The following INPP4B variants were observed in gnomAD, a reference collection of about 807,000 sequenced individuals.
The protein encoded by INPP4B is inositol polyphosphate 4-phosphatase type II.
A neutral mutation model predicts 122.5 loss-of-function variants in INPP4B; 55 were observed. The ratio of observed to expected loss-of-function variants is 0.45; its 90% CI spans 0.36 to 0.56. The LOEUF is 0.56. Among genes scored for constraint, INPP4B ranks in the 20% least tolerant of loss-of-function variants. INPP4B has a pLI of 0.00. For missense variants in INPP4B, 1,000 were observed against 1,097.7 expected (o/e 0.91, Z 1.26); for synonymous variants, 403 against 388.7 (o/e 1.04, Z -0.43).
intron 2 of INPP4B, among the ~76,000 whole-genome samples, chr4:142,625,429 T>C (rs921501413): frequency 2.0e-4 from 30 of 152,108 alleles, no homozygotes; most frequent in Non-Finnish European, 7.4e-5. Context: ...TTGCAAGGGA[T>C]GTGAAGGACC....
At chr4:142,644,100 C>T (rs182268151) in intron 2 of INPP4B, among the ~76,000 whole-genome samples, 1 of 151,640 alleles carries the variant, frequency 6.6e-6, no homozygotes. Context: ...ACTTGGGAGA[C>T]AAGCAGGAAT....
chr4:142,611,822 C>G (rs1466862115), intron 2 of INPP4B, among the ~76,000 whole-genome samples: 1 of 151,686 alleles, frequency 6.6e-6, no homozygotes, highest in East Asian at 2.0e-4. Flanking sequence ...GTGCACGCCA[C>G]CATGCCTGGC....
chr4:142,483,349 A>T (rs1412674246), intron 2 of INPP4B, among the ~76,000 whole-genome samples: 1 of 152,010 alleles, frequency 6.6e-6, no homozygotes. Flanking sequence ...GAACATTCTC[A>T]AAAAAGTAAT....
intron 2 of INPP4B, among the ~76,000 whole-genome samples, chr4:142,544,260 T>C (rs1227810557): frequency 6.6e-6 from 1 of 151,946 alleles, no homozygotes; most frequent in Non-Finnish European, 1.5e-5. Context: ...ACTATTGTGT[T>C]AGAATCAATC....
At chr4:142,778,935 T>C (rs1025632088) in intron 1 of INPP4B, among the ~76,000 whole-genome samples, 1 of 152,118 alleles carries the variant, frequency 6.6e-6, no homozygotes, top group African/African-American at 2.4e-5. Context: ...AACCAGACAA[T>C]TGAGGGTCTA....
chr4:142,174,433 T>C lies in INPP4B; in HGVS notation c.1182-624A>G, dbSNP rs185649229. ...GGTGAGGGGTGTGGAGGAAGTAAAT[T>C]TTAATAGCTGAGAAATGAGGAGAAA... On this transcript the variant is annotated intron_variant, in intron 15 of 25. Transcript: ENST00000262992. Among the ~76,000 whole-genome samples the C allele has an allele frequency of 2.6e-3, 403 of 152,178 alleles. 2 individuals carry two copies. The highest frequency in any genetic ancestry group is 9.0e-3 in the African/African-American group (373 of 41,548).
intron 1 of INPP4B, among the ~76,000 whole-genome samples, chr4:142,834,863 G>A (rs1782595729): frequency 6.6e-6 from 1 of 152,150 alleles, no homozygotes; most frequent in Non-Finnish European, 1.5e-5. Context: ...CACTGCTAGG[G>A]CATTGTTCTT....
intron 15 of INPP4B, among the ~76,000 whole-genome samples, chr4:142,191,308 A>G (rs1305095550): frequency 6.6e-6 from 1 of 152,180 alleles, no homozygotes; most frequent in Non-Finnish European, 1.5e-5. Flanking sequence ...CCAACAAAAA[A>G]CAGCACCCAG....
intron 2 of INPP4B, among the ~76,000 whole-genome samples, chr4:142,615,148 G>T (rs1334896993): frequency 1.3e-5 from 2 of 152,080 alleles, no homozygotes; most frequent in African/African-American, 2.4e-5. Context: ...TATTTTAAAA[G>T]GTTAGTTCTG....
At position 142,458,835 on chromosome 4, in the gene INPP4B, T is replaced by C. The variant is rs558967346; in HGVS notation, c.-127+3828A>G. On this transcript the variant is annotated intron_variant, in intron 3 of 25. Transcript: ENST00000262992. ...TTCTGTGGAAGAGCAGTTCTCAGCA[T>C]TCTGTGTATATCCAAGTCATAAATC... Among the ~76,000 whole-genome samples, 11 of 152,286 alleles carry C rather than the reference T, an allele frequency of 7.2e-5. No homozygotes were observed. The South Asian group carries it at 2.3e-3, about 32-fold the overall frequency.
At chr4:142,736,710 C>G (rs545786335) in intron 1 of INPP4B, among the ~76,000 whole-genome samples, 1 of 152,040 alleles carries the variant, frequency 6.6e-6, no homozygotes, top group African/African-American at 2.4e-5. Context: ...TGAGACGATG[C>G]GGTTTTCTAG....
chr4:142,840,418 A>G (rs1783341220), intron 1 of INPP4B, among the ~76,000 whole-genome samples: 1 of 152,126 alleles, frequency 6.6e-6, no homozygotes, highest in Non-Finnish European at 1.5e-5. Context: ...ATGTTCATTT[A>G]ATTTTTTTTC....
intron 8 of INPP4B, 63 bp downstream of exon 8, chr4:142,314,649 A>G: frequency 6.7e-7 from 1 of 1,489,496 alleles, no homozygotes; most frequent in South Asian, 1.3e-5. Flanking sequence ...GAGGCCAGAG[A>G]AAATCCAAAT....
intron 24 of INPP4B, among the ~76,000 whole-genome samples, chr4:142,085,843 T>G (rs1464129929): frequency 6.6e-6 from 1 of 152,184 alleles, no homozygotes; most frequent in African/African-American, 2.4e-5. Context: ...ATACGGGCAA[T>G]TGACGTTGCA....
chr4:142,443,425 A>G (rs1812248607), intron 3 of INPP4B, among the ~76,000 whole-genome samples: 1 of 152,088 alleles, frequency 6.6e-6, no homozygotes, highest in African/African-American at 2.4e-5. Flanking sequence ...GACCCTGCTG[A>G]CCTTAGGTGA....
chr4:142,599,155 C>T (rs1271838530), intron 2 of INPP4B, among the ~76,000 whole-genome samples: 1 of 152,188 alleles, frequency 6.6e-6, no homozygotes, highest in Non-Finnish European at 1.5e-5. Context: ...ATCACCTACA[C>T]CACAATGGTT....
intron 25 of INPP4B, among the ~76,000 whole-genome samples, chr4:142,037,059 T>G (rs1386507048): frequency 6.6e-6 from 1 of 152,212 alleles, no homozygotes; most frequent in Non-Finnish European, 1.5e-5. Context: ...CCAATGTCAT[T>G]AGTTTTGGCC....
At chr4:142,261,529 G>T (rs557708339) in intron 10 of INPP4B, among the ~76,000 whole-genome samples, 1 of 152,192 alleles carries the variant, frequency 6.6e-6, no homozygotes, top group South Asian at 2.1e-4. Flanking sequence ...TGGTGATGAG[G>T]TCTAAGGGAA....
At chr4:142,713,929 T>C (rs547629367) in intron 2 of INPP4B, among the ~76,000 whole-genome samples, 2 of 152,200 alleles carry the variant, frequency 1.3e-5, no homozygotes, top group Non-Finnish European at 2.9e-5. Flanking sequence ...CATTTTACAG[T>C]GTGCTTCATT....
Sources: gnomAD v4.1 joint callset for allele counts (sites outside exome capture counted in the v4.1 genomes callset) on GRCh38, gnomAD v4.1.1 for gene constraint, MANE v1.5 for transcripts, NCBI Gene and HGNC (gene_info 2026-07-23, HGNC 2026-07-21) for gene names.